Variants in GNB1L observed in about 807,000 individuals in gnomAD.
The protein encoded by GNB1L is G protein subunit beta 1 like.
GNB1L carries 20 observed loss-of-function variants against 29.1 expected under a neutral mutation model. That is an observed-to-expected ratio of 0.69 (90% CI 0.48 to 1.00). The LOEUF is 1.00. Ranked by LOEUF, GNB1L falls within the 50% of genes least tolerant of loss-of-function variation. The probability of loss-of-function intolerance (pLI) is 0.00; values close to 1 mark genes in which losing one functional copy is unlikely to be tolerated. For synonymous variants in GNB1L, 193 were observed against 206.5 expected, an observed-to-expected ratio of 0.93 and a Z score of 0.56; for missense variants, 421 against 464.9, an observed-to-expected ratio of 0.91 and a Z score of 0.87.
At chr22:19,840,565 T>C (rs765995347) in intron 2 of GNB1L, among the ~76,000 whole-genome samples, 1 of 151,994 alleles carries the variant, frequency 6.6e-6, no homozygotes, top group Non-Finnish European at 1.5e-5. Context: ...ATCCCAGCAC[T>C]TTGGGAGGTC....
chr22:19,815,802 G>T (rs949547034), intron 4 of GNB1L, among the ~76,000 whole-genome samples: 1 of 152,100 alleles, frequency 6.6e-6, no homozygotes, highest in Non-Finnish European at 1.5e-5. Flanking sequence ...GGTTGGTCTC[G>T]AACTCTGGGC....
chr22:19,842,924 G>A (rs990421311), intron 2 of GNB1L, among the ~76,000 whole-genome samples: 2 of 152,192 alleles, frequency 1.3e-5, no homozygotes, highest in Non-Finnish European at 2.9e-5. Flanking sequence ...TCCTGAGCAC[G>A]GGAAACAGGT....
At chr22:19,803,736 G>A (rs1222511772) in intron 6 of GNB1L, among the ~76,000 whole-genome samples, 6 of 146,048 alleles carry the variant, frequency 4.1e-5, no homozygotes, top group Non-Finnish European at 9.3e-5. Flanking sequence ...CGAGAGCAGC[G>A]GGGAACACTC....
intron 2 of GNB1L, among the ~76,000 whole-genome samples, chr22:19,843,273 G>A (rs1364036077): frequency 6.6e-6 from 1 of 152,252 alleles, no homozygotes; most frequent in African/African-American, 2.4e-5. Flanking sequence ...CTGGGCATCT[G>A]TCAACGCCCC....
At chr22:19,834,433 T>G (rs1406327095) in intron 2 of GNB1L, among the ~76,000 whole-genome samples, 1 of 152,196 alleles carries the variant, frequency 6.6e-6, no homozygotes, top group African/African-American at 2.4e-5. Flanking sequence ...CAGAAAGACA[T>G]GTGGAACTTC....
intron 3 of GNB1L, among the ~76,000 whole-genome samples, chr22:19,821,021 G>A (rs548725485): frequency 2.0e-5 from 3 of 152,306 alleles, no homozygotes; most frequent in Admixed American, 1.3e-4. Context: ...CTGCTCCTGC[G>A]TCTGTAACAA....
intron 2 of GNB1L, chr22:19,846,457 G>A (rs966076632): frequency 1.0e-6 from 1 of 985,338 alleles, no homozygotes; most frequent in Non-Finnish European, 1.2e-6. Context: ...ATGGGCCCCA[G>A]AACCCAGGGC....
chr22:19,828,538 T>C (rs916495250), intron 2 of GNB1L, among the ~76,000 whole-genome samples: 4 of 151,920 alleles, frequency 2.6e-5, no homozygotes, highest in African/African-American at 9.7e-5. Context: ...CCCAGCTATT[T>C]GGGATGCTGA....
At chr22:19,850,614 C>A in intron 2 of GNB1L, 1 of 1,213,574 alleles carries the variant, frequency 8.2e-7, no homozygotes, top group South Asian at 4.3e-5. Flanking sequence ...AGATGCTATC[C>A]CACTCATCCC....
chr22:19,813,968 G>C (rs1848382588), intron 4 of GNB1L, among the ~76,000 whole-genome samples: 1 of 152,102 alleles, frequency 6.6e-6, no homozygotes, highest in African/African-American at 2.4e-5. Context: ...TGTGCTCCAG[G>C]AGACCCTGTC....
intron 2 of GNB1L, chr22:19,851,662 G>A: frequency 6.3e-7 from 1 of 1,594,664 alleles, no homozygotes; most frequent in Non-Finnish European, 8.6e-7. Context: ...GCAGCTGGCT[G>A]GAGGCCAGGG....
chr22:19,815,515 C>T (rs1474501233), intron 4 of GNB1L, among the ~76,000 whole-genome samples: 2 of 152,196 alleles, frequency 1.3e-5, no homozygotes, highest in African/African-American at 4.8e-5. Flanking sequence ...CTGCACACCA[C>T]GCTCATATGG....
intron 2 of GNB1L, among the ~76,000 whole-genome samples, chr22:19,829,846 AAT>A (rs143373766): frequency 0.014 from 2,048 of 149,368 alleles, 43 homozygotes; most frequent in African/African-American, 0.048. Context: ...TTAGAGGTTA[AAT>A]ATATATATAT....
chr22:19,791,484 T>C (rs1937252786), intron 7 of GNB1L, among the ~76,000 whole-genome samples: 1 of 152,152 alleles, frequency 6.6e-6, no homozygotes, highest in African/African-American at 2.4e-5. Context: ...CTGGAGACAA[T>C]GCCATGAGCA....
intron 2 of GNB1L, among the ~76,000 whole-genome samples, chr22:19,822,776 G>A (rs903537713): frequency 2.0e-5 from 3 of 152,238 alleles, no homozygotes; most frequent in African/African-American, 7.2e-5. Flanking sequence ...GGTGGTAGGC[G>A]GATGGGGGTG....
intron 2 of GNB1L, chr22:19,847,427 G>A: frequency 1.2e-5 from 12 of 985,412 alleles, no homozygotes; most frequent in Non-Finnish European, 1.4e-5. Context: ...TGAGGTGGGT[G>A]TTAGAGGGCC....
Position 19,821,394 on chromosome 22 carries a change from C to T in GNB1L, c.-20-19G>A, listed in dbSNP as rs376252828. Reference sequence around the variant, plus strand: ...CAGTTACCTGGGCACCAAGGGAGGGCGTGTGAGTGACTGCGTCCCTATTCT... The same window carrying T: ...CAGTTACCTGGGCACCAAGGGAGGGTGTGTGAGTGACTGCGTCCCTATTCT... On this transcript the variant is annotated intron_variant, in intron 2 of 7. Transcript: ENST00000329517. 5.4e-5 allele frequency: 86 copies of T among 1,605,022 alleles called. No individual in the cohort carries two copies. The highest frequency in any genetic ancestry group is 6.4e-5 in the Non-Finnish European group (75 of 1,177,234).
At chr22:19,810,204 G>C (rs1438146998) in intron 5 of GNB1L, among the ~76,000 whole-genome samples, 1 of 152,228 alleles carries the variant, frequency 6.6e-6, no homozygotes, top group Non-Finnish European at 1.5e-5. Context: ...GTGCCTCTGT[G>C]GGGTGGGGAG....
At chr22:19,845,235 C>A (rs996359968) in intron 2 of GNB1L, among the ~76,000 whole-genome samples, 6 of 152,260 alleles carry the variant, frequency 3.9e-5, no homozygotes, top group African/African-American at 1.4e-4. Context: ...CTTACATATG[C>A]ATGCCAGCAA....
Sources: gnomAD v4.1 joint callset for allele counts (sites outside exome capture counted in the v4.1 genomes callset) on GRCh38, gnomAD v4.1.1 for gene constraint, MANE v1.5 for transcripts, NCBI Gene and HGNC (gene_info 2026-07-23, HGNC 2026-07-21) for gene names.